UBA1: variants seen among roughly 807,000 people sequenced by gnomAD.
The protein encoded by UBA1 is ubiquitin like modifier activating enzyme 1.
UBA1 carries 4 observed loss-of-function variants against 84.7 expected under a neutral mutation model. That is an observed-to-expected ratio of 0.05 (90% confidence interval 0.02 to 0.11). UBA1 has a LOEUF of 0.11. Ranked by LOEUF, UBA1 falls within the 10% of genes least tolerant of loss-of-function variation. The probability of loss-of-function intolerance (pLI) is 1.00; values close to 1 mark genes in which losing one functional copy is unlikely to be tolerated. For synonymous variants in UBA1, 364 were observed against 362.6 expected (o/e 1.00, Z -0.04); for missense variants, 513 against 902.8 (o/e 0.57, Z 5.53).
intron 16 of UBA1, chrX:47,209,261 T>G: frequency 2.5e-6 from 1 of 402,923 alleles, no homozygotes; most frequent in Non-Finnish European, 4.3e-6. Flanking sequence ...TTCAAGAGAT[T>G]TCCTGCCTCA....
In UBA1 at chrX:47,208,562, C is replaced by T. The variant is rs1203702190; in HGVS notation, c.1939-1061C>T. ...TTTAAAAAACTGTGGTAAGATATAC[C>T]TAATTGAAGTTTTTATTTTTTATGG... On this transcript the variant is annotated intron_variant, in intron 16 of 25. Coordinates refer to ENST00000335972, the MANE Select transcript of UBA1 (RefSeq NM_003334.4). The T allele has an allele frequency of 2.7e-5, 3 of 110,173 alleles. No individual in the cohort carries two copies. The Admixed American group carries it at 2.9e-4, about 11-fold the overall frequency. The allele number at this position is 110,173 out of a possible 1,213,427, so 9.1% of individuals were successfully genotyped here. A position where few individuals can be genotyped will look rare whatever the true frequency, so the allele number is the denominator to read the frequency against.
intron 1 of UBA1, chrX:47,198,106 A>T: frequency 1.1e-6 from 1 of 908,757 alleles, no homozygotes; most frequent in Non-Finnish European, 1.4e-6. Context: ...TTCCCCTCCC[A>T]AAGCTGGGGG....
In UBA1 at chrX:47,199,535, G is replaced by A. The variant is rs782237056; in HGVS notation, c.401G>A (p.Arg134His). 9 of 1,209,905 alleles carry A rather than the reference G, an allele frequency of 7.4e-6. No individual in the cohort carries two copies. The highest frequency in any genetic ancestry group is 5.3e-5 in the African/African-American group (3 of 57,103). ...AACCGGGCCGAGGTATCACAGCCCC[G>A]CCTCGCTGAGCTCAACAGCTATGTG... is the stretch of plus-strand genomic sequence containing the variant. ...GKNRAEVSQP[R>H]LAELNSYVPV... is the part of the protein sequence containing the mutation. Residue 134 changes from arginine (R) to histidine (H), a missense_variant, in exon 5 of 26, where the codon CGC (arginine) becomes CAC (histidine). Transcript: ENST00000335972.
chrX:47,214,733 C>G, intron 25 of UBA1, 61 bp from the exon 26 acceptor site: 1 of 1,203,604 alleles, frequency 8.3e-7, no homozygotes, highest in Admixed American at 2.2e-5. Context: ...CCCTACCTAC[C>G]TGCCCATCCT....
chrX:47,202,836 C>G (rs782209577), intron 11 of UBA1, 22 bp downstream of exon 11: 4 of 1,203,737 alleles, frequency 3.3e-6, no homozygotes, highest in Non-Finnish European at 4.5e-6. Flanking sequence ...TGGGGAGAGG[C>G]AGGATTGGGG....
intron 1 of UBA1, chrX:47,197,443 G>T: frequency 1.3e-6 from 1 of 754,585 alleles, no homozygotes; most frequent in Non-Finnish European, 1.6e-6. Flanking sequence ...GTGCCAAGAT[G>T]GAATCTTAGG....
chrX:47,215,067 T>G lies in UBA1; in HGVS notation c.*138T>G. ...CTCATCATCCCCCTACCTGAACCCC[T>G]CTTGCCACTGCCTTCTACCTTGTTT... On this transcript the variant is annotated 3_prime_UTR_variant, in exon 26 of 26. Transcript: ENST00000335972. 2 of 878,070 alleles carry G rather than the reference T, an allele frequency of 2.3e-6. No homozygotes were observed. The highest frequency in any genetic ancestry group is 4.1e-5 in the South Asian group (2 of 48,503). 72.4% of individuals were successfully genotyped at this position (878,070 alleles called of 1,213,427 possible). A position where few individuals can be genotyped will look rare whatever the true frequency, so the allele number is the denominator to read the frequency against.
At chrX:47,207,736 G>A (rs1364733737) in intron 16 of UBA1, among the ~76,000 whole-genome samples, 2 of 111,513 alleles carry the variant, frequency 1.8e-5, no homozygotes, top group Non-Finnish European at 3.8e-5. Context: ...TTCCAGAGTG[G>A]GTATGTTTGT....
Position 47,215,085 on chromosome X carries a change from C to T in UBA1, c.*156C>T. On this transcript the variant is annotated 3_prime_UTR_variant, in exon 26 of 26. Transcript: ENST00000335972. Reference sequence around the variant, plus strand: ...GAACCCCTCTTGCCACTGCCTTCTACCTTGTTTGAAACCTGAATCCTAATA... The same window carrying T: ...GAACCCCTCTTGCCACTGCCTTCTATCTTGTTTGAAACCTGAATCCTAATA... 1 of 760,258 alleles carries T rather than the reference C, an allele frequency of 1.3e-6. No individual in the cohort carries two copies. The highest frequency in any genetic ancestry group is 2.0e-6 in the Non-Finnish European group (1 of 512,085). 62.7% of individuals were successfully genotyped at this position (760,258 alleles called of 1,213,427 possible). A position where few individuals can be genotyped will look rare whatever the true frequency, so the allele number is the denominator to read the frequency against.
intron 5 of UBA1, among the ~76,000 whole-genome samples, chrX:47,200,616 G>GCAGA (rs782624555): frequency 8.9e-6 from 1 of 112,206 alleles, no homozygotes; most frequent in Admixed American, 9.4e-5. Context: ...ACAGGGCATG[G>GCAGA]CAGACAGACA....
intron 18 of UBA1, 129 bp downstream of exon 18, chrX:47,210,252 G>T: frequency 1.9e-5 from 15 of 770,800 alleles, no homozygotes; most frequent in Non-Finnish European, 2.7e-5. Flanking sequence ...TGAGAAGAGT[G>T]ATTGATCCTG....
chrX:47,214,242 G>T, intron 23 of UBA1, 85 bp from the exon 24 acceptor site: 3 of 831,365 alleles, frequency 3.6e-6, no homozygotes, highest in Non-Finnish European at 5.4e-6. Context: ...AAACACGTCT[G>T]CATGGGGGTA....
At chrX:47,210,461 C>G (rs1159648269) in intron 18 of UBA1, among the ~76,000 whole-genome samples, 1 of 112,007 alleles carries the variant, frequency 8.9e-6, no homozygotes, top group Non-Finnish European at 1.9e-5. Context: ...AATCACGTAA[C>G]TTCTCTCTGT....
In UBA1 at chrX:47,213,101, G is replaced by C; in HGVS notation, c.2758G>C (p.Asp920His). 8.3e-7 allele frequency: 1 copy of C among 1,211,983 alleles called. No individual in the cohort carries two copies. Residue 920 changes from aspartate to histidine, a missense_variant, in exon 23 of 26, where the codon GAC (aspartate) becomes CAC (histidine). Transcript: ENST00000335972. ...YKVVQGHRQL[D>H]SYKNGFLNLA... ...GGTTGTGCAGGGGCACCGACAGCTT[G>C]ACTCCTACAAGAATGGTTTCCTCAA...
In UBA1 at chrX:47,202,766, A is replaced by C. The variant is rs1936467221; in HGVS notation, c.1185A>C (p.Ala395=). The C allele has an allele frequency of 8.3e-7, 1 of 1,207,886 alleles. No homozygotes were observed. Among genetic ancestry groups the C allele is most frequent in the Admixed American group, 2.2e-5 (1 of 45,632 alleles). ...KLAYVAAGDL[A]PINAFIGGLA... The stretch of plus-strand genomic sequence containing the variant: ...CATATGTGGCTGCTGGGGATCTGGC[A>C]CCCATAAACGCCTTCATTGGGGGCC... Residue 395 remains alanine (A), a synonymous_variant, in exon 11 of 26, where the codon GCA becomes GCC. Coordinates refer to ENST00000335972, the MANE Select transcript of UBA1 (RefSeq NM_003334.4).
At position 47,206,620 on chromosome X, in the gene UBA1, A is replaced by G. The variant is rs782061917; in HGVS notation, c.1938+176A>G. ...GCAGCCTAGGTTTCTAGAATGACTC[A>G]TTCTTTTTTCACTTTTATTTTGATT... is the stretch of plus-strand genomic sequence containing the variant. On this transcript the variant is annotated intron_variant, in intron 16 of 25. Transcript: ENST00000335972. 18 of 468,313 alleles carry G rather than the reference A, an allele frequency of 3.8e-5. No individual in the cohort carries two copies. The African/African-American group carries it at 3.9e-4, about 10-fold the overall frequency. 38.6% of individuals were successfully genotyped at this position (468,313 alleles called of 1,213,427 possible).
chrX:47,205,845 C>G, intron 14 of UBA1, 103 bp from the exon 15 acceptor site: 1 of 976,974 alleles, frequency 1.0e-6, no homozygotes, highest in Admixed American at 2.6e-5. Flanking sequence ...TGGAGAGAGA[C>G]CCTGTCTCAA....
chrX:47,198,619 C>G (rs946970308), intron 1 of UBA1, among the ~76,000 whole-genome samples, 184 bp from the exon 2 acceptor site: 13 of 111,860 alleles, frequency 1.2e-4, no homozygotes, highest in African/African-American at 4.2e-4. Flanking sequence ...CACCTGGGTT[C>G]AGATCTTAGG....
At chrX:47,213,899 T>C (rs1937034470) in intron 23 of UBA1, among the ~76,000 whole-genome samples, 1 of 110,249 alleles carries the variant, frequency 9.1e-6, no homozygotes, top group African/African-American at 3.3e-5. Flanking sequence ...GACTTGAGAA[T>C]ACCAGGGGGC....
Sources: allele counts gnomAD v4.1 joint callset (sites outside exome capture counted in the v4.1 genomes callset), GRCh38; gene constraint gnomAD v4.1.1; transcripts MANE v1.5; gene names NCBI Gene and HGNC (gene_info 2026-07-23, HGNC 2026-07-21).